SGK2: variants seen among roughly 807,000 people sequenced by gnomAD.
SGK2 encodes serum/glucocorticoid regulated kinase 2, also known as serine/threonine-protein kinase Sgk2.
A neutral mutation model predicts 47.5 loss-of-function variants in SGK2; 36 were observed. That is an observed-to-expected ratio of 0.76 (90% CI 0.58 to 1.00). SGK2 has a LOEUF of 1.00. Among genes scored for constraint, SGK2 ranks in the 50% least tolerant of loss-of-function variants. The pLI, the probability that SGK2 is intolerant of heterozygous loss-of-function variation, is 0.00. For synonymous variants in SGK2, 157 were observed against 181.9 expected, an observed-to-expected ratio of 0.86 and a Z score of 1.10; for missense variants, 404 against 467.4, an observed-to-expected ratio of 0.86 and a Z score of 1.25.
intron 1 of SGK2, among the ~76,000 whole-genome samples, chr20:43,560,141 G>A (rs1481657479): frequency 6.6e-6 from 1 of 152,036 alleles, no homozygotes; most frequent in African/African-American, 2.4e-5. Context: ...CAGGAACTCA[G>A]TACTTGAATA....
chr20:43,572,245 C>T lies in SGK2; in HGVS notation c.597+108C>T, dbSNP rs949116682. On this transcript the variant is annotated intron_variant, in intron 9 of 12. Coordinates refer to ENST00000373100, the MANE Select transcript of SGK2 (RefSeq NM_170693.3). This position sits in a 1 kb window ranked among gnomAD's most constrained non-coding sequence, Gnocchi z 4.2. ...AGGGGACTCACTCCTTTGACCCAAA[C>T]ACTTCTCCTGAGTGGGCTATACACT... The T allele has an allele frequency of 1.2e-5, 10 of 806,570 alleles. No homozygotes were observed. The Admixed American group carries it at 1.7e-4, about 14-fold the overall frequency. The allele number at this position is 806,570 out of a possible 1,614,324, so 50.0% of individuals were successfully genotyped here.
At chr20:43,571,685 G>C (rs1980141027) in intron 8 of SGK2, among the ~76,000 whole-genome samples, 1 of 152,170 alleles carries the variant, frequency 6.6e-6, no homozygotes, top group Non-Finnish European at 1.5e-5. Context: ...TCAGAAGAGG[G>C]ATCCAGGCAG....
At chr20:43,581,468 A>G (rs1446741339) in intron 12 of SGK2, among the ~76,000 whole-genome samples, 1 of 152,176 alleles carries the variant, frequency 6.6e-6, no homozygotes. Flanking sequence ...GTCTTTGCCC[A>G]GAATTCTGGT....
chr20:43,567,219 G>A, intron 3 of SGK2, 102 bp downstream of exon 3: 2 of 995,304 alleles, frequency 2.0e-6, no homozygotes, highest in South Asian at 1.3e-5. Flanking sequence ...TAGCATTCAA[G>A]ACTGTCTGCC....
chr20:43,571,064 G>GGTGTGTGTGTGTGTGTGT lies in SGK2; in HGVS notation c.510+25_510+42dup, dbSNP rs11467250. On this transcript the variant is annotated splice_donor_region_variant and intron_variant, in intron 8 of 12. Coordinates refer to ENST00000373100, the MANE Select transcript of SGK2 (RefSeq NM_170693.3). Reference sequence around the variant, plus strand: ...GAACATTCTCTTGGACTGCCAGGTTGGTGTGTGTGTGTGTGTGTGTGTGTG... The same window carrying GGTGTGTGTGTGTGTGTGT: ...GAACATTCTCTTGGACTGCCAGGTTGGTGTGTGTGTGTGTGTGTGTGTGTGTGTGTGTGTGTGTGTGTG... The GGTGTGTGTGTGTGTGTGT allele has an allele frequency of 4.9e-5, 77 of 1,566,138 alleles. No individual in the cohort carries two copies. The African/African-American group carries it at 9.8e-4, about 20-fold the overall frequency.
At chr20:43,578,825 T>G (rs1980619233) in intron 11 of SGK2, among the ~76,000 whole-genome samples, 1 of 152,116 alleles carries the variant, frequency 6.6e-6, no homozygotes, top group Non-Finnish European at 1.5e-5. Flanking sequence ...CGTGAAGATG[T>G]CTCCTGTTCC....
rs1040933740 is a variant in SGK2, at chr20:43,572,623, G to A, written c.597+486G>A. Among the ~76,000 whole-genome samples the A allele has an allele frequency of 1.3e-4, 20 of 152,246 alleles. No individual in the cohort carries two copies. The highest frequency in any genetic ancestry group is 7.9e-4 in the Admixed American group (12 of 15,284). On this transcript the variant is annotated intron_variant, in intron 9 of 12. Coordinates refer to ENST00000373100, the MANE Select transcript of SGK2 (RefSeq NM_170693.3). The surrounding 1 kb of genome is among the most constrained non-coding windows in gnomAD (Gnocchi z 4.2). ...ATACAGGAGGCAGAGGTTGCAGTGA[G>A]CCAAGACTGTGCCACTGCACTCCAG... is the stretch of plus-strand genomic sequence containing the variant.
At position 43,572,042 on chromosome 20, in the gene SGK2, C is replaced by A; in HGVS notation, c.511-9C>A. The A allele has an allele frequency of 6.5e-7, 1 of 1,546,418 alleles. No individual in the cohort carries two copies. The highest frequency in any genetic ancestry group is 2.3e-4 in the Middle Eastern group (1 of 4,436). The stretch of plus-strand genomic sequence containing the variant: ...CCACCCTCCAGCCCATGCCCTCCGT[C>A]ATTCTCAGGGACACGTGGTGCTGAC... On this transcript the variant is annotated splice_polypyrimidine_tract_variant and intron_variant, in intron 8 of 12. Coordinates refer to ENST00000373100, the MANE Select transcript of SGK2 (RefSeq NM_170693.3). This position sits in a 1 kb window ranked among gnomAD's most constrained non-coding sequence, Gnocchi z 4.2.
At chr20:43,564,609 A>G (rs1453639922) in intron 1 of SGK2, among the ~76,000 whole-genome samples, 1 of 151,832 alleles carries the variant, frequency 6.6e-6, no homozygotes, top group Non-Finnish European at 1.5e-5. Flanking sequence ...TGCTCTTAAC[A>G]CACACCTTCA....
At chr20:43,583,533 G>A (rs900003573) in intron 12 of SGK2, 13 of 985,258 alleles carry the variant, frequency 1.3e-5, no homozygotes, top group African/African-American at 1.0e-4. Flanking sequence ...TCCATAGCCC[G>A]ACTTGCACAC....
intron 8 of SGK2, among the ~76,000 whole-genome samples, chr20:43,571,285 G>A (rs3127060): frequency 1 from 152,012 of 152,362 alleles, 75,832 homozygotes; most frequent in Middle Eastern, 1. Context: ...CATGTACATA[G>A]GGGGCAGGGG....
intron 12 of SGK2, chr20:43,583,486 G>C: frequency 8.6e-7 from 1 of 1,157,920 alleles, no homozygotes; most frequent in Non-Finnish European, 1.1e-6. Flanking sequence ...TTGTCTTGTA[G>C]CCTTATTGAG....
chr20:43,563,166 A>G (rs954593926), intron 1 of SGK2, among the ~76,000 whole-genome samples: 1 of 151,636 alleles, frequency 6.6e-6, no homozygotes, highest in African/African-American at 2.4e-5. Flanking sequence ...AAGAAAAAAA[A>G]AGATTTGGGA....
At chr20:43,584,077 C>T (rs1200780228) in intron 12 of SGK2, among the ~76,000 whole-genome samples, 2 of 152,070 alleles carry the variant, frequency 1.3e-5, no homozygotes, top group Non-Finnish European at 2.9e-5. Context: ...GGACAGTTGG[C>T]AGTTGTTGAT....
At chr20:43,568,339 T>C (rs1979876282) in intron 5 of SGK2, among the ~76,000 whole-genome samples, 1 of 152,210 alleles carries the variant, frequency 6.6e-6, no homozygotes, top group South Asian at 2.1e-4. Flanking sequence ...AGACCCTTCA[T>C]GCCATCAGGC....
chr20:43,584,006 T>G (rs2022139977), intron 12 of SGK2, among the ~76,000 whole-genome samples: 1 of 152,036 alleles, frequency 6.6e-6, no homozygotes, highest in Non-Finnish European at 1.5e-5. Flanking sequence ...TGTTTTTTTT[T>G]AAGTCTGAGT....
intron 5 of SGK2, among the ~76,000 whole-genome samples, 160 bp downstream of exon 5, chr20:43,568,159 C>G (rs1322662590): frequency 1.3e-5 from 2 of 152,164 alleles, no homozygotes; most frequent in African/African-American, 4.8e-5. Flanking sequence ...GATGCTGGCC[C>G]TTCTCAAAGA....
chr20:43,561,245 A>G (rs754523616), intron 1 of SGK2, among the ~76,000 whole-genome samples: 5 of 152,184 alleles, frequency 3.3e-5, no homozygotes, highest in Non-Finnish European at 5.9e-5. Context: ...GAGGCCAGAG[A>G]GCACTTAGTG....
At chr20:43,567,159 C>T (rs766388352) in intron 3 of SGK2, 42 bp downstream of exon 3, 1 of 1,518,468 alleles carries the variant, frequency 6.6e-7, no homozygotes, top group Non-Finnish European at 9.1e-7. Flanking sequence ...CTTGACTCCC[C>T]TCATACCTGG....
Sources: allele counts gnomAD v4.1 joint callset (sites outside exome capture counted in the v4.1 genomes callset), GRCh38; gene constraint gnomAD v4.1.1; non-coding constraint Gnocchi (gnomAD v3.1); transcripts MANE v1.5; gene names NCBI Gene and HGNC (gene_info 2026-07-23, HGNC 2026-07-21).